POFUT3: variants seen among roughly 807,000 people sequenced by gnomAD.
POFUT3 encodes the protein protein O-fucosyltransferase 3.
the POFUT3 span, among the ~76,000 whole-genome samples, chr8:33,426,666 T>C: frequency 6.6e-6 from 1 of 152,220 alleles, no homozygotes; most frequent in Non-Finnish European, 1.5e-5. Flanking sequence ...ATTTTCACTC[T>C]AAGTAAAAAT....
the POFUT3 span, chr8:33,453,567 C>T: frequency 7.1e-7 from 1 of 1,410,608 alleles, no homozygotes; most frequent in Non-Finnish European, 9.7e-7. Context: ...TTTTGCACAT[C>T]TCTCATTAAT....
At chr8:33,315,758 C>T in the POFUT3 span, among the ~76,000 whole-genome samples, 65,287 of 151,980 alleles carry the variant, frequency 0.43, 15,782 homozygotes, top group East Asian at 0.8. Flanking sequence ...AATAATAAGA[C>T]CTCTTTTTTT....
At chr8:33,323,828 C>T in the POFUT3 span, among the ~76,000 whole-genome samples, 361 of 152,290 alleles carry the variant, frequency 2.4e-3, 1 homozygote, top group African/African-American at 7.9e-3. Flanking sequence ...AAGAAATATT[C>T]ATTCTACATA....
the POFUT3 span, among the ~76,000 whole-genome samples, chr8:33,470,341 G>C: frequency 1.3e-5 from 2 of 151,418 alleles, no homozygotes; most frequent in Admixed American, 1.3e-4. Flanking sequence ...GATCCCTTGA[G>C]CCCTGGAGGT....
the POFUT3 span, among the ~76,000 whole-genome samples, chr8:33,392,013 C>T: frequency 6.6e-6 from 1 of 152,148 alleles, no homozygotes; most frequent in Non-Finnish European, 1.5e-5. Context: ...CTCCTGCATT[C>T]ATCTGAATTA....
the POFUT3 span, among the ~76,000 whole-genome samples, chr8:33,413,898 T>C: frequency 6.6e-6 from 1 of 152,208 alleles, no homozygotes; most frequent in Non-Finnish European, 1.5e-5. Flanking sequence ...TATCTGTAAG[T>C]ATCTCTCCTT....
At chr8:33,324,388 C>T in the POFUT3 span, among the ~76,000 whole-genome samples, 13 of 152,216 alleles carry the variant, frequency 8.5e-5, no homozygotes, top group Non-Finnish European at 1.8e-4. Context: ...ATAGAACATG[C>T]TCTCCCTGGA....
chr8:33,413,318 A>T, the POFUT3 span, among the ~76,000 whole-genome samples: 1 of 151,994 alleles, frequency 6.6e-6, no homozygotes, highest in Non-Finnish European at 1.5e-5. Flanking sequence ...AGAGGAAGAG[A>T]CTAGAGCTCT....
chr8:33,368,865 T>C, the POFUT3 span, among the ~76,000 whole-genome samples: 3 of 152,208 alleles, frequency 2.0e-5, no homozygotes, highest in Non-Finnish European at 1.5e-5. Flanking sequence ...AGAAATCCCA[T>C]GGAGGGTGGG....
At chr8:33,321,021 C>T in the POFUT3 span, among the ~76,000 whole-genome samples, 1 of 152,054 alleles carries the variant, frequency 6.6e-6, no homozygotes, top group Non-Finnish European at 1.5e-5. Context: ...CATAAGACCT[C>T]CACCTGCTAC....
At chr8:33,450,323 C>T in the POFUT3 span, among the ~76,000 whole-genome samples, 44 of 152,318 alleles carry the variant, frequency 2.9e-4, no homozygotes, top group South Asian at 5.8e-3. Context: ...GCTTTTCTCT[C>T]GTGGTACACG....
At chr8:33,471,237 TTTG>T in the POFUT3 span, among the ~76,000 whole-genome samples, 443 of 151,944 alleles carry the variant, frequency 2.9e-3, no homozygotes, top group Admixed American at 3.9e-3. Flanking sequence ...GTTTTTGTTT[TTTG>T]TTGTTGTTGT....
chr8:33,312,381 T>C, the POFUT3 span, among the ~76,000 whole-genome samples: 2 of 151,996 alleles, frequency 1.3e-5, no homozygotes, highest in Non-Finnish European at 2.9e-5. Context: ...AGCCAAGGCA[T>C]GCCAAGGATT....
At chr8:33,379,848 T>G in the POFUT3 span, among the ~76,000 whole-genome samples, 1 of 98,418 alleles carries the variant, frequency 1.0e-5, no homozygotes, top group African/African-American at 5.0e-5. Context: ...AAAAAAAAAA[T>G]ATATATATAT....
chr8:33,393,907 AT>A, the POFUT3 span, among the ~76,000 whole-genome samples: 1 of 152,230 alleles, frequency 6.6e-6, no homozygotes, highest in Non-Finnish European at 1.5e-5. Flanking sequence ...GTTTTAAAAA[AT>A]AATCTCTACC....
the POFUT3 span, chr8:33,377,499 A>C: frequency 6.6e-6 from 1 of 152,200 alleles, no homozygotes; most frequent in African/African-American, 2.4e-5. Context: ...GGTTTATATG[A>C]GAAAGTCAGT....
At chr8:33,385,475 G>A in the POFUT3 span, among the ~76,000 whole-genome samples, 29 of 152,342 alleles carry the variant, frequency 1.9e-4, no homozygotes, top group Non-Finnish European at 2.8e-4. Context: ...GGGGGAAAGT[G>A]TAACTGCCAT....
At chr8:33,440,858 C>T in the POFUT3 span, among the ~76,000 whole-genome samples, 4 of 151,860 alleles carry the variant, frequency 2.6e-5, no homozygotes, top group Non-Finnish European at 5.9e-5. Context: ...CCAACATATG[C>T]AAAAAGTATA....
the POFUT3 span, among the ~76,000 whole-genome samples, chr8:33,455,258 G>A: frequency 6.6e-6 from 1 of 152,170 alleles, no homozygotes; most frequent in Non-Finnish European, 1.5e-5. Context: ...TTCCAGGATA[G>A]TCTAAGTCTG....
Sources: gnomAD v4.1 joint callset for allele counts (sites outside exome capture counted in the v4.1 genomes callset) on GRCh38, gnomAD v4.1.1 for gene constraint, MANE v1.5 for transcripts, NCBI Gene and HGNC (gene_info 2026-07-23, HGNC 2026-07-21) for gene names.